The following CEMIP variants were observed in gnomAD, a reference collection of about 807,000 sequenced individuals.
CEMIP encodes cell migration inducing hyaluronidase 1.
CEMIP carries 105 observed loss-of-function variants against 156.9 expected under a neutral mutation model. The ratio of observed to expected loss-of-function variants is 0.67; its 90% CI spans 0.57 to 0.79. The LOEUF is 0.79. Ranked by LOEUF, CEMIP falls within the 30% of genes least tolerant of loss-of-function variation. The pLI, the probability that CEMIP is intolerant of heterozygous loss-of-function variation, is 0.00. For missense variants in CEMIP, 1,457 were observed against 1,769.4 expected, an observed-to-expected ratio of 0.82 and a Z score of 3.17; for synonymous variants, 676 against 668.4, an observed-to-expected ratio of 1.01 and a Z score of -0.17.
intron 12 of CEMIP, among the ~76,000 whole-genome samples, chr15:80,900,585 G>GGT (rs57724852): frequency 0.042 from 3,155 of 74,830 alleles, 247 homozygotes; most frequent in East Asian, 0.046. Context: ...CCCAGGTAGG[G>GGT]GTGTGTGTGT....
chr15:80,786,295 G>A (rs1372128089), intron 1 of CEMIP, among the ~76,000 whole-genome samples: 1 of 152,120 alleles, frequency 6.6e-6, no homozygotes, highest in African/African-American at 2.4e-5. Context: ...AGAGAGCAGT[G>A]GCATGAACAC....
chr15:80,800,024 T>A (rs900644638), intron 1 of CEMIP, among the ~76,000 whole-genome samples: 6 of 140,556 alleles, frequency 4.3e-5, no homozygotes, highest in African/African-American at 1.6e-4. Flanking sequence ...TAATTTTATG[T>A]GTGTGTGTGT....
At chr15:80,834,470 A>G (rs1330429760) in intron 1 of CEMIP, among the ~76,000 whole-genome samples, 1 of 152,244 alleles carries the variant, frequency 6.6e-6, no homozygotes, top group East Asian at 1.9e-4. Context: ...GGCCAAAAGT[A>G]GAGTCAGGCT....
intron 1 of CEMIP, among the ~76,000 whole-genome samples, chr15:80,832,702 C>A (rs1307079532): frequency 2.0e-5 from 3 of 152,188 alleles, no homozygotes; most frequent in Non-Finnish European, 4.4e-5. Context: ...TTTTAAAAAT[C>A]TGGAAAATTC....
At position 80,896,080 on chromosome 15, in the gene CEMIP, C is replaced by T. The variant is rs200780187; in HGVS notation, c.1411+20C>T. ...TGGCAGGTAGGACTTTTACTAATCC[C>T]TTCCTAGACTGGATGAATCTGAAAA... On this transcript the variant is annotated intron_variant, in intron 12 of 29. Transcript: ENST00000394685. 58 of 1,609,906 alleles carry T rather than the reference C, an allele frequency of 3.6e-5. No homozygotes were observed. The highest frequency in any genetic ancestry group is 4.6e-5 in the Non-Finnish European group (54 of 1,176,812).
At chr15:80,810,719 G>T (rs1234159962) in intron 1 of CEMIP, among the ~76,000 whole-genome samples, 1 of 152,090 alleles carries the variant, frequency 6.6e-6, no homozygotes, top group Admixed American at 6.5e-5. Context: ...GAACTTGTCT[G>T]CTCCTTGTCT....
At chr15:80,894,854 A>T in intron 10 of CEMIP, 136 bp from the exon 11 acceptor site, 3 of 1,053,828 alleles carry the variant, frequency 2.8e-6, no homozygotes, top group Non-Finnish European at 4.4e-6. Flanking sequence ...TGGGATAATC[A>T]TCTCGGGCCG....
At chr15:80,873,736 C>A in intron 2 of CEMIP, 40 bp downstream of exon 2, 1 of 690,752 alleles carries the variant, frequency 1.4e-6, no homozygotes, top group Non-Finnish European at 2.6e-6. Flanking sequence ...GCTGAGTGTG[C>A]CCATTCTGTC....
intron 26 of CEMIP, 64 bp from the exon 27 acceptor site, chr15:80,942,187 C>T (rs374830567): frequency 1.2e-4 from 181 of 1,506,700 alleles, no homozygotes; most frequent in Non-Finnish European, 1.5e-4. Context: ...ACTGGGGATA[C>T]GGGAAGAGGA....
intron 10 of CEMIP, 39 bp from the exon 11 acceptor site, chr15:80,894,951 A>T: frequency 6.2e-7 from 1 of 1,613,774 alleles, no homozygotes; most frequent in Non-Finnish European, 8.5e-7. Flanking sequence ...TCTATAAAAA[A>T]AAAACGACTT....
At chr15:80,786,456 G>A (rs918037830) in intron 1 of CEMIP, among the ~76,000 whole-genome samples, 35 of 151,960 alleles carry the variant, frequency 2.3e-4, no homozygotes, top group African/African-American at 8.5e-4. Flanking sequence ...AAACTCCTGA[G>A]CCCAAGATAT....
intron 3 of CEMIP, among the ~76,000 whole-genome samples, chr15:80,878,194 C>T (rs1898534747): frequency 6.6e-6 from 1 of 152,250 alleles, no homozygotes; most frequent in Non-Finnish European, 1.5e-5. Flanking sequence ...AGATGACATT[C>T]ACCAATCAGG....
chr15:80,834,107 C>A (rs926809833), intron 1 of CEMIP, among the ~76,000 whole-genome samples: 8 of 152,118 alleles, frequency 5.3e-5, no homozygotes, highest in African/African-American at 1.9e-4. Context: ...CAGTTGTCTC[C>A]CAAAATGTCT....
intron 7 of CEMIP, among the ~76,000 whole-genome samples, 183 bp downstream of exon 7, chr15:80,884,537 C>T (rs1350244142): frequency 6.6e-6 from 1 of 152,184 alleles, no homozygotes; most frequent in East Asian, 1.9e-4. Flanking sequence ...TTAAAGAATG[C>T]TTGTTTTTTC....
chr15:80,928,424 A>G (rs1038529767), intron 19 of CEMIP, among the ~76,000 whole-genome samples: 23 of 152,198 alleles, frequency 1.5e-4, no homozygotes, highest in Non-Finnish European at 2.9e-4. Flanking sequence ...GGAAACTTGA[A>G]AAGTAGCTAT....
chr15:80,888,346 G>A (rs374084206), intron 8 of CEMIP, among the ~76,000 whole-genome samples: 3 of 152,050 alleles, frequency 2.0e-5, no homozygotes, highest in East Asian at 1.9e-4. Context: ...GAGCTAAAGC[G>A]ACACTTTAGA....
chr15:80,810,877 T>A (rs577923319), intron 1 of CEMIP, among the ~76,000 whole-genome samples: 1 of 152,120 alleles, frequency 6.6e-6, no homozygotes, highest in Non-Finnish European at 1.5e-5. Flanking sequence ...GCCATCCATG[T>A]CCTCTTCCAA....
rs776812160 is a variant in CEMIP, at chr15:80,884,282, G to A, written c.725G>A (p.Arg242Gln). ...LSVAVNDEGSRNLDDMARKAM... is the reference protein window; with the variant it reads ...LSVAVNDEGSQNLDDMARKAM... ...GTTGCAGTGAATGATGAAGGTTCTC[G>A]AAATCTGGATGACATGGCCAGGAAG... The change falls in exon 7 of 30, where the codon CGA becomes CAA. Residue 242 changes from arginine to glutamine, a missense_variant. Coordinates refer to ENST00000394685, the MANE Select transcript of CEMIP (RefSeq NM_001293298.2). The A allele has an allele frequency of 1.4e-5, 22 of 1,614,092 alleles. No homozygotes were observed. Among genetic ancestry groups the A allele is most frequent in the African/African-American group, 9.3e-5 (7 of 74,924 alleles).
chr15:80,825,553 C>T (rs1203336206), intron 1 of CEMIP, among the ~76,000 whole-genome samples: 1 of 152,192 alleles, frequency 6.6e-6, no homozygotes, highest in Non-Finnish European at 1.5e-5. Flanking sequence ...CTATTTAAAC[C>T]ACTCCAAATG....
Sources: gnomAD v4.1 joint callset for allele counts (sites outside exome capture counted in the v4.1 genomes callset) on GRCh38, gnomAD v4.1.1 for gene constraint, MANE v1.5 for transcripts, NCBI Gene and HGNC (gene_info 2026-07-23, HGNC 2026-07-21) for gene names.